The following LMO7 variants were observed in gnomAD, a reference collection of about 807,000 sequenced individuals.
LMO7 encodes LIM domain 7.
In LMO7, 120 loss-of-function variants were observed where a neutral mutation model predicts 206.5. That is an observed-to-expected ratio of 0.58 (90% CI 0.50 to 0.68). The LOEUF is 0.68. Ranked by LOEUF, LMO7 falls within the 30% of genes least tolerant of loss-of-function variation. The pLI, the probability that LMO7 is intolerant of heterozygous loss-of-function variation, is 0.00. For missense variants in LMO7, 1,959 were observed against 1,957.9 expected, an observed-to-expected ratio of 1.00 and a Z score of -0.01; for synonymous variants, 706 against 681.5, an observed-to-expected ratio of 1.04 and a Z score of -0.56.
chr13:75,771,019 G>C (rs577922427), intron 4 of LMO7, among the ~76,000 whole-genome samples: 3 of 152,168 alleles, frequency 2.0e-5, no homozygotes, highest in Non-Finnish European at 4.4e-5. Context: ...CTATGTGACA[G>C]AAATTATCAT....
rs182859725 is a variant in LMO7, at chr13:75,796,745, C to T, written c.458C>T (p.Thr153Met). ...GAGAATCTTTTAGGACAAGCACTGACGAAGGTAAGTAAACTACATCTGTGT... is the reference window on the plus strand; with the variant it reads ...GAGAATCTTTTAGGACAAGCACTGATGAAGGTAAGTAAACTACATCTGTGT... ...AFENLLGQAL[T>M]KALEDSSFLK... The change falls in exon 6 of 31, where the codon ACG becomes ATG. Residue 153 changes from threonine (T) to methionine (M), a missense_variant. Thr to Met is a moderately conservative substitution (Grantham distance 81). Transcript: ENST00000377534. The T allele has an allele frequency of 1.6e-5, 25 of 1,574,156 alleles. No individual in the cohort carries two copies. The highest frequency in any genetic ancestry group is 6.7e-5 in the African/African-American group (5 of 74,120).
chr13:75,695,794 A>G (rs2041852262), intron 1 of LMO7, among the ~76,000 whole-genome samples: 1 of 152,232 alleles, frequency 6.6e-6, no homozygotes, highest in South Asian at 2.1e-4. Flanking sequence ...AACACATCAG[A>G]AGCTCTCGTG....
chr13:75,721,676 T>C lies in LMO7; in HGVS notation c.141-5353T>C, dbSNP rs932469146. Among the ~76,000 whole-genome samples, 50 of 152,354 alleles carry C rather than the reference T, an allele frequency of 3.3e-4. 1 individual carries two copies. The highest frequency in any genetic ancestry group is 1.2e-3 in the African/African-American group (49 of 41,574). ...TTTATGGCTGAGTAGTATTCCATGG[T>C]ATATGCATATATACACCACATTTTC... On this transcript the variant is annotated intron_variant, in intron 2 of 30. Transcript: ENST00000377534.
At chr13:75,689,754 A>G (rs1464234309) in intron 1 of LMO7, among the ~76,000 whole-genome samples, 3 of 152,204 alleles carry the variant, frequency 2.0e-5, no homozygotes, top group Non-Finnish European at 4.4e-5. Context: ...GACCTACACC[A>G]GCGGTTTGCC....
At chr13:75,774,706 AG>A (rs990619502) in intron 4 of LMO7, among the ~76,000 whole-genome samples, 6 of 151,970 alleles carry the variant, frequency 3.9e-5, no homozygotes, top group African/African-American at 9.7e-5. Flanking sequence ...CTTACAACTG[AG>A]TTGTCTTTAT....
intron 4 of LMO7, among the ~76,000 whole-genome samples, chr13:75,792,576 T>G (rs621351): frequency 0.016 from 2,370 of 152,302 alleles, 83 homozygotes; most frequent in African/African-American, 0.051. Flanking sequence ...GTGTGTTACC[T>G]GTGTTACTGT....
chr13:75,676,316 T>G (rs2040012099), intron 1 of LMO7, among the ~76,000 whole-genome samples: 1 of 152,218 alleles, frequency 6.6e-6, no homozygotes, highest in Admixed American at 6.5e-5. Flanking sequence ...ACTGTTCTAC[T>G]CATTAATCTC....
At chr13:75,626,585 A>T (rs879358051) in intron 2 of LMO7, among the ~76,000 whole-genome samples, 19,138 of 96,532 alleles carry the variant, frequency 0.2, 3,643 homozygotes, top group East Asian at 0.53. Flanking sequence ...TATTATATAT[A>T]TATATATAAA....
rs903159630 is a variant in LMO7 at position 75,806,197 on chromosome 13, C to T, written c.1196+437C>T. The T allele has an allele frequency of 5.8e-5, 58 of 992,102 alleles. No individual in the cohort carries two copies. The African/African-American group carries it at 8.2e-4, about 14-fold the overall frequency. 61.5% of individuals were successfully genotyped at this position (992,102 alleles called of 1,614,324 possible). A position where few individuals can be genotyped will look rare whatever the true frequency, so the allele number is the denominator to read the frequency against. On this transcript the variant is annotated intron_variant, in intron 9 of 30. Coordinates refer to ENST00000377534, the MANE Select transcript of LMO7 (RefSeq NM_001306080.2). ...ACTCTTGCTGGAATTAGCTACCAAA[C>T]GGGCTGTAAAATCACCGGACTCCCA...
chr13:75,636,311 G>C (rs1052956130), upstream of LMO7: 2 of 1,095,368 alleles, frequency 1.8e-6, no homozygotes, highest in Non-Finnish European at 2.2e-6. Flanking sequence ...CGGCGGCGGC[G>C]CTGCGACTTT....
intron 6 of LMO7, among the ~76,000 whole-genome samples, chr13:75,796,995 C>T (rs147635188): frequency 8.9e-4 from 136 of 152,276 alleles, no homozygotes; most frequent in Non-Finnish European, 1.6e-3. Context: ...ACTTGCTTAC[C>T]TTTTAATTCT....
chr13:75,692,682 A>G (rs1419521418), intron 1 of LMO7, among the ~76,000 whole-genome samples: 1 of 151,988 alleles, frequency 6.6e-6, no homozygotes, highest in Non-Finnish European at 1.5e-5. Context: ...GCTACTACTC[A>G]TATTCCTTTG....
chr13:75,692,716 TC>T (rs1194088476), intron 1 of LMO7, among the ~76,000 whole-genome samples: 2 of 152,194 alleles, frequency 1.3e-5, no homozygotes, highest in Non-Finnish European at 2.9e-5. Context: ...AAGTTTTAGC[TC>T]TTTTAGTTTG....
chr13:75,806,307 A>G, intron 9 of LMO7: 2 of 931,602 alleles, frequency 2.1e-6, no homozygotes, highest in Non-Finnish European at 2.6e-6. Flanking sequence ...CTGGCCTCAG[A>G]CAACCCTCTG....
chr13:75,784,145 A>G (rs908796472), intron 4 of LMO7, among the ~76,000 whole-genome samples: 2 of 152,162 alleles, frequency 1.3e-5, no homozygotes, highest in Non-Finnish European at 2.9e-5. Flanking sequence ...CATGCCACTT[A>G]ACATCCACAA....
chr13:75,788,479 T>C (rs918283327), intron 4 of LMO7, among the ~76,000 whole-genome samples: 1 of 142,504 alleles, frequency 7.0e-6, no homozygotes, highest in African/African-American at 2.6e-5. Flanking sequence ...AAAAAGCCAC[T>C]GCTCTGTCCT....
chr13:75,638,553 A>G (rs368667504), intron 1 of LMO7, among the ~76,000 whole-genome samples: 9 of 152,204 alleles, frequency 5.9e-5, no homozygotes, highest in African/African-American at 2.2e-4. Context: ...TCCTTTTAAT[A>G]TAGTTAATGA....
At chr13:75,644,336 G>A (rs1205819559) in intron 1 of LMO7, among the ~76,000 whole-genome samples, 1 of 152,178 alleles carries the variant, frequency 6.6e-6, no homozygotes, top group Non-Finnish European at 1.5e-5. Context: ...AACACTAGAA[G>A]TAGTAAATGC....
At chr13:75,742,316 A>G (rs939123668) in intron 3 of LMO7, among the ~76,000 whole-genome samples, 6 of 152,226 alleles carry the variant, frequency 3.9e-5, no homozygotes, top group Non-Finnish European at 8.8e-5. Flanking sequence ...TGCCCAAAGC[A>G]AATTATAGAT....
Sources: allele counts gnomAD v4.1 joint callset (sites outside exome capture counted in the v4.1 genomes callset), GRCh38; gene constraint gnomAD v4.1.1; transcripts MANE v1.5; gene names NCBI Gene and HGNC (gene_info 2026-07-23, HGNC 2026-07-21).